The following ANK1 variants were observed in gnomAD, a reference collection of about 807,000 sequenced individuals.
ANK1 encodes ankyrin-1.
ANK1 carries 51 observed loss-of-function variants against 210.4 expected under a neutral mutation model. That is an observed-to-expected ratio of 0.24 (90% CI 0.19 to 0.31). The LOEUF (loss-of-function observed/expected upper bound fraction) is 0.31, where lower values mean the gene tolerates loss of function less well. Ranked by LOEUF, ANK1 falls within the 10% of genes least tolerant of loss-of-function variation. ANK1 has a pLI of 1.00. For missense variants in ANK1, 2,051 were observed against 2,504.4 expected, an observed-to-expected ratio of 0.82 and a Z score of 3.86; for synonymous variants, 967 against 1,025.9, an observed-to-expected ratio of 0.94 and a Z score of 1.10.
chr8:41,748,091 G>A (rs561583886), intron 2 of ANK1, among the ~76,000 whole-genome samples: 10 of 152,278 alleles, frequency 6.6e-5, no homozygotes, highest in Admixed American at 3.9e-4. Context: ...TCAGGGTGAC[G>A]TCAGCATTAA....
At chr8:41,829,739 G>T (rs1334180835) in intron 1 of ANK1, 1 of 151,964 alleles carries the variant, frequency 6.6e-6, no homozygotes, top group Admixed American at 6.6e-5. Flanking sequence ...GATCGAGACC[G>T]TCCTGGCTAA....
intron 1 of ANK1, among the ~76,000 whole-genome samples, chr8:41,813,611 T>C (rs1465480908): frequency 6.6e-6 from 1 of 152,224 alleles, no homozygotes; most frequent in Non-Finnish European, 1.5e-5. Flanking sequence ...GCAAGAATGG[T>C]GATTGATCAT....
rs11992067 is a variant in ANK1, at chr8:41,693,269, C to T, written c.3533-68G>A. 6.3e-3 allele frequency: 8,849 copies of T among 1,400,058 alleles called. 415 individuals carry two copies. The African/African-American group carries it at 0.11, about 17-fold the overall frequency. 86.7% of individuals were successfully genotyped at this position (1,400,058 alleles called of 1,614,324 possible). ...TGTAAGCATGGAGCTTACTAAAATG[C>T]TAAGGCCGTGGTGTGCAAGGTGAGA... On this transcript the variant is annotated intron_variant, in intron 29 of 42. Coordinates refer to ENST00000289734, the MANE Select transcript of ANK1 (RefSeq NM_000037.4).
At chr8:41,840,665 G>A (rs1440537590) in intron 1 of ANK1, among the ~76,000 whole-genome samples, 2 of 152,258 alleles carry the variant, frequency 1.3e-5, no homozygotes, top group Admixed American at 6.5e-5. Flanking sequence ...GTCCCATCAC[G>A]GGAGCTCTAC....
upstream of ANK1, among the ~76,000 whole-genome samples, chr8:41,801,619 G>C (rs1849873432): frequency 6.6e-6 from 1 of 152,172 alleles, no homozygotes; most frequent in African/African-American, 2.4e-5. Flanking sequence ...TACTAATGAG[G>C]TTGAGCATCT....
At chr8:41,819,527 T>C (rs1302675047) in intron 1 of ANK1, among the ~76,000 whole-genome samples, 1 of 152,204 alleles carries the variant, frequency 6.6e-6, no homozygotes, top group Admixed American at 6.5e-5. Flanking sequence ...CTTGGACACA[T>C]GGGGAACCTC....
rs372090515 is a variant in ANK1, at chr8:41,672,578, G to A, written c.4872C>T (p.Asp1624=). The change falls in exon 38 of 43, where the codon GAC becomes GAT. Residue 1624 remains aspartate (D), a synonymous_variant. Transcript: ENST00000289734. ...CATTTGTGGCATCTGAATCCACTGT[G>A]TCGTCCTCCACAAGTTCCAGAGAGC... is the stretch of plus-strand genomic sequence containing the variant. ...ELGSLELVED[D]TVDSDATNGL... 7 of 1,614,060 alleles carry A rather than the reference G, an allele frequency of 4.3e-6. No homozygotes were observed. The highest frequency in any genetic ancestry group is 2.2e-5 in the East Asian group (1 of 44,892).
rs1210066598 is a variant in ANK1 at position 41,719,622 on chromosome 8, C to G, written c.1107+39G>C. The G allele has an allele frequency of 2.5e-6, 4 of 1,613,464 alleles. No individual in the cohort carries two copies. In the East Asian group the frequency reaches 6.7e-5, roughly 27 times the overall value. ...TCTCTGCTCCTGCCCCCAGCCTGCC[C>G]TGCCACTCTGCACCTTCTCCAGCAG... On this transcript the variant is annotated intron_variant, in intron 10 of 42. Coordinates refer to ENST00000289734, the MANE Select transcript of ANK1 (RefSeq NM_000037.4).
rs2150548168 is a variant in ANK1, at chr8:41,663,742, C to T, written c.5395G>A (p.Gly1799Arg). Reference protein sequence around the residue: ...AKNTFTQVVQGNEFQNIPGEQ... With the variant: ...AKNTFTQVVQRNEFQNIPGEQ... ...CCTGGAATATTCTGAAACTCATTCCCCTGGAATTAGAGAAAGGGAGAAAAT... is the reference window on the plus strand; with the variant it reads ...CCTGGAATATTCTGAAACTCATTCCTCTGGAATTAGAGAAAGGGAGAAAAT... The change falls in exon 40 of 43, where the codon GGG (glycine) becomes AGG (arginine). Residue 1799 changes from glycine (G) to arginine (R), a missense_variant and splice_region_variant. Coordinates refer to ENST00000289734, the MANE Select transcript of ANK1 (RefSeq NM_000037.4). The T allele has an allele frequency of 6.2e-7, 1 of 1,612,688 alleles. No homozygotes were observed. The highest frequency in any genetic ancestry group is 8.5e-7 in the Non-Finnish European group (1 of 1,178,704).
At chr8:41,842,906 G>A (rs1198299388) in intron 1 of ANK1, among the ~76,000 whole-genome samples, 2 of 152,136 alleles carry the variant, frequency 1.3e-5, no homozygotes, top group Non-Finnish European at 2.9e-5. Flanking sequence ...GAGTACAGTG[G>A]CATGATCTCC....
intron 1 of ANK1, among the ~76,000 whole-genome samples, chr8:41,894,187 A>G (rs1002397730): frequency 2.0e-5 from 3 of 152,114 alleles, no homozygotes; most frequent in Non-Finnish European, 4.4e-5. Context: ...CAGTCCTAAG[A>G]GTATGCGTCA....
At chr8:41,827,773 AC>A (rs1805691146) in intron 1 of ANK1, among the ~76,000 whole-genome samples, 1 of 150,868 alleles carries the variant, frequency 6.6e-6, no homozygotes, top group South Asian at 2.1e-4. Flanking sequence ...CACCCCACAC[AC>A]ATGCTCACGC....
upstream of ANK1, among the ~76,000 whole-genome samples, chr8:41,800,217 T>C (rs1185290763): frequency 9.9e-5 from 15 of 152,102 alleles, no homozygotes; most frequent in Non-Finnish European, 1.5e-5. Flanking sequence ...AACAAACATA[T>C]ATATAGTGCT....
chr8:41,842,698 AAC>A (rs975042069), intron 1 of ANK1, among the ~76,000 whole-genome samples: 1 of 152,140 alleles, frequency 6.6e-6, no homozygotes, highest in African/African-American at 2.4e-5. Flanking sequence ...CGGGGAATTA[AAC>A]ACAGAAACAG....
intron 1 of ANK1, among the ~76,000 whole-genome samples, chr8:41,893,984 C>T (rs1819953309): frequency 6.6e-6 from 1 of 152,152 alleles, no homozygotes; most frequent in Non-Finnish European, 1.5e-5. Context: ...CCTTTCTGCA[C>T]TGCCTCCCTC....
At chr8:41,662,115 G>A (rs563763074) in intron 40 of ANK1, among the ~76,000 whole-genome samples, 174 bp from the exon 41 acceptor site, 58 of 152,142 alleles carry the variant, frequency 3.8e-4, no homozygotes, top group Admixed American at 7.9e-4. Context: ...AAATTAGCCC[G>A]GTGTGGTGGC....
At chr8:41,747,193 G>A (rs753930137) in intron 2 of ANK1, among the ~76,000 whole-genome samples, 6 of 152,122 alleles carry the variant, frequency 3.9e-5, no homozygotes, top group Non-Finnish European at 8.8e-5. Flanking sequence ...TTGTCAAAAC[G>A]GACAGAAAGG....
chr8:41,661,881 C>T lies in ANK1; in HGVS notation c.5539G>A (p.Glu1847Lys), dbSNP rs773248082. ...AGGGGCCCCTCTACAGTCACCTCCT[C>T]GTGCTCCTGGGCGGCATCGGCGCTG... ...LSSADAAQEHEEVELRGSGLQ... is the reference protein window; with the variant it reads ...LSSADAAQEHKEVELRGSGLQ... The change falls in exon 41 of 43, where the codon GAG becomes AAG. Residue 1847 changes from glutamate (E) to lysine (K), a missense_variant. Physicochemically the swap from Glu to Lys is moderately conservative, Grantham distance 56. Coordinates refer to ENST00000289734, the MANE Select transcript of ANK1 (RefSeq NM_000037.4). The T allele has an allele frequency of 2.0e-5, 33 of 1,613,988 alleles. No individual in the cohort carries two copies. The African/African-American group carries it at 2.7e-4, about 13-fold the overall frequency.
At chr8:41,888,967 T>C (rs749519352) in intron 1 of ANK1, among the ~76,000 whole-genome samples, 4 of 152,226 alleles carry the variant, frequency 2.6e-5, no homozygotes, top group Non-Finnish European at 4.4e-5. Context: ...TTCCCACTAA[T>C]TTATAAGTCC....
Sources: gnomAD v4.1 joint callset for allele counts (sites outside exome capture counted in the v4.1 genomes callset) on GRCh38, gnomAD v4.1.1 for gene constraint, MANE v1.5 for transcripts, NCBI Gene and HGNC (gene_info 2026-07-23, HGNC 2026-07-21) for gene names.